Variants in MAOB observed in about 807,000 individuals in gnomAD.
MAOB encodes the protein monoamine oxidase B, also known as amine oxidase [flavin-containing] B.
MAOB carries 15 observed loss-of-function variants against 41.9 expected under a neutral mutation model. The observed-to-expected ratio is 0.36, with a 90% CI of 0.24 to 0.55. The LOEUF (loss-of-function observed/expected upper bound fraction) is 0.55, where lower values mean the gene tolerates loss of function less well. Among genes scored for constraint, MAOB ranks in the 20% least tolerant of loss-of-function variants. The pLI is 0.86. For synonymous variants in MAOB, 167 were observed against 144.2 expected, an observed-to-expected ratio of 1.16 and a Z score of -1.13; for missense variants, 345 against 398.7, an observed-to-expected ratio of 0.87 and a Z score of 1.15.
At chrX:43,863,073 G>C (rs941719111) in intron 1 of MAOB, among the ~76,000 whole-genome samples, 2 of 112,006 alleles carry the variant, frequency 1.8e-5, no homozygotes, top group Non-Finnish European at 3.8e-5. Context: ...GGCTGGAAGA[G>C]TAATTGGTAA....
At chrX:43,805,359 A>T (rs1303919726) in intron 3 of MAOB, among the ~76,000 whole-genome samples, 3 of 111,682 alleles carry the variant, frequency 2.7e-5, no homozygotes, top group Non-Finnish European at 5.6e-5. Context: ...GGGAGTTATG[A>T]CACATGTGTA....
chrX:43,835,831 G>T (rs756588765), intron 3 of MAOB, among the ~76,000 whole-genome samples: 12 of 111,612 alleles, frequency 1.1e-4, no homozygotes, highest in African/African-American at 3.9e-4. Context: ...CCTTTTCTGG[G>T]TAGCTCCACT....
At chrX:43,815,665 C>A (rs146009274) in intron 3 of MAOB, among the ~76,000 whole-genome samples, 1,710 of 111,924 alleles carry the variant, frequency 0.015, 30 homozygotes, top group African/African-American at 0.053. Flanking sequence ...TACTCAGGGG[C>A]CTTCTGGCCA....
At chrX:43,869,214 C>G (rs1233248771) in intron 1 of MAOB, among the ~76,000 whole-genome samples, 1 of 111,151 alleles carries the variant, frequency 9.0e-6, no homozygotes, top group Non-Finnish European at 1.9e-5. Context: ...AGGACAAGAT[C>G]TCTCTCTCTC....
At chrX:43,830,990 A>T (rs1248662600) in intron 3 of MAOB, among the ~76,000 whole-genome samples, 2 of 71,676 alleles carry the variant, frequency 2.8e-5, no homozygotes, top group East Asian at 9.0e-4. Flanking sequence ...AAGGTCAATG[A>T]TTAAGTGTGT....
chrX:43,780,171 G>T (rs944807093), intron 10 of MAOB, among the ~76,000 whole-genome samples, 171 bp downstream of exon 10: 1 of 110,819 alleles, frequency 9.0e-6, no homozygotes, highest in Non-Finnish European at 1.9e-5. Context: ...TAGCAAACAC[G>T]TAGCACTGGC....
At chrX:43,856,049 A>C (rs767014924) in intron 1 of MAOB, among the ~76,000 whole-genome samples, 20 of 111,338 alleles carry the variant, frequency 1.8e-4, no homozygotes, top group South Asian at 3.8e-4. Flanking sequence ...AACAAAAAAA[A>C]CCCCAAAACT....
intron 3 of MAOB, among the ~76,000 whole-genome samples, chrX:43,816,661 G>A (rs1196206716): frequency 4.5e-5 from 5 of 112,264 alleles, no homozygotes; most frequent in African/African-American, 6.5e-5. Flanking sequence ...GCACTGTAAA[G>A]ACATCCATAT....
chrX:43,769,107 CG>C (rs753678537), intron 13 of MAOB, among the ~76,000 whole-genome samples, 199 bp downstream of exon 13: 2 of 111,581 alleles, frequency 1.8e-5, no homozygotes, highest in Non-Finnish European at 3.8e-5. Flanking sequence ...CTTTTTACTT[CG>C]GGTGACATGT....
At position 43,795,726 on chromosome X, in the gene MAOB, A is replaced by G; in HGVS notation, c.768+13T>C. On this transcript the variant is annotated intron_variant, in intron 7 of 14. Coordinates refer to ENST00000378069, the MANE Select transcript of MAOB (RefSeq NM_000898.5). ...ATGAAGATCAAATATATATTTCACA[A>G]TATCACAGTTACCTCATACATCTCA... 1 of 1,172,919 alleles carries G rather than the reference A, an allele frequency of 8.5e-7. No homozygotes were observed.
In MAOB at chrX:43,781,873, A is replaced by G. The variant is rs776628366; in HGVS notation, c.929-329T>C. Reference sequence around the variant, plus strand: ...TTTCTCTTTCATAAGAAATCAGAATAAATCCAAAGATGTGTAAAGGAAATA... The same window carrying G: ...TTTCTCTTTCATAAGAAATCAGAATGAATCCAAAGATGTGTAAAGGAAATA... On this transcript the variant is annotated intron_variant, in intron 8 of 14. Transcript: ENST00000378069. Among the ~76,000 whole-genome samples, 4 of 112,147 alleles carry G rather than the reference A, an allele frequency of 3.6e-5. No individual in the cohort carries two copies. The South Asian group carries it at 1.5e-3, about 42-fold the overall frequency.
At chrX:43,806,205 T>C (rs1186623366) in intron 3 of MAOB, among the ~76,000 whole-genome samples, 1 of 111,801 alleles carries the variant, frequency 8.9e-6, no homozygotes, top group African/African-American at 3.3e-5. Context: ...TATTTGGATT[T>C]CACCCATTTA....
At chrX:43,808,103 G>C (rs1432290937) in intron 3 of MAOB, among the ~76,000 whole-genome samples, 1 of 110,963 alleles carries the variant, frequency 9.0e-6, no homozygotes, top group Non-Finnish European at 1.9e-5. Context: ...AAATCAAGAT[G>C]CACATTGAGA....
intron 3 of MAOB, among the ~76,000 whole-genome samples, chrX:43,805,211 A>G (rs1368684634): frequency 9.0e-6 from 1 of 111,676 alleles, no homozygotes; most frequent in Admixed American, 9.5e-5. Flanking sequence ...AGACTACAAT[A>G]CATTGTTTTT....
chrX:43,791,427 C>T (rs1442611321), intron 8 of MAOB, among the ~76,000 whole-genome samples: 1 of 111,714 alleles, frequency 9.0e-6, no homozygotes, highest in Admixed American at 9.5e-5. Context: ...AAGATTCTAG[C>T]GTTGTGCTGT....
intron 8 of MAOB, among the ~76,000 whole-genome samples, chrX:43,789,205 A>G (rs1249670867): frequency 8.9e-6 from 1 of 112,415 alleles, no homozygotes; most frequent in Non-Finnish European, 1.9e-5. Context: ...TCGATGCTTC[A>G]AAAGTTTCAG....
At chrX:43,850,508 C>A in intron 1 of MAOB, 1 of 749,945 alleles carries the variant, frequency 1.3e-6, no homozygotes, top group Non-Finnish European at 1.6e-6. Flanking sequence ...TGAGAATGCA[C>A]CAGTCACAAT....
intron 12 of MAOB, among the ~76,000 whole-genome samples, chrX:43,773,530 A>G (rs1320284913): frequency 1.8e-5 from 2 of 112,659 alleles, no homozygotes; most frequent in East Asian, 5.6e-4. Flanking sequence ...TGCAGAATGA[A>G]ACAAATACCA....
chrX:43,780,245 T>A, intron 10 of MAOB, 97 bp downstream of exon 10: 1 of 684,420 alleles, frequency 1.5e-6, no homozygotes, highest in Admixed American at 3.1e-5. Flanking sequence ...GGCAGGCAAG[T>A]AGGTAGAAAA....
Sources: allele counts gnomAD v4.1 joint callset (sites outside exome capture counted in the v4.1 genomes callset), GRCh38; gene constraint gnomAD v4.1.1; transcripts MANE v1.5; gene names NCBI Gene and HGNC (gene_info 2026-07-23, HGNC 2026-07-21).